The following RPS3 variants were observed in gnomAD, a reference collection of about 807,000 sequenced individuals.
The protein encoded by RPS3 is ribosomal protein S3.
In RPS3, 2 loss-of-function variants were observed where a neutral mutation model predicts 25.8. That is an observed-to-expected ratio of 0.08 (90% CI 0.03 to 0.24). RPS3 has a LOEUF of 0.24. Ranked by LOEUF, RPS3 falls within the 10% of genes least tolerant of loss-of-function variation. The probability of loss-of-function intolerance (pLI) is 1.00; values close to 1 mark genes in which losing one functional copy is unlikely to be tolerated. For missense variants in RPS3, 107 were observed against 307.1 expected, an observed-to-expected ratio of 0.35 and a Z score of 4.87; for synonymous variants, 114 against 114.2, an observed-to-expected ratio of 1.00 and a Z score of 0.01.
rs1468511247 is a variant in RPS3, at chr11:75,404,188, C to T, written c.519C>T (p.Arg173=). ...ACTACTACGTTGACACTGCTGTGCGCCACGTGTTGCTCAGACAGGGTGAGC... is the reference window on the plus strand; with the variant it reads ...ACTACTACGTTGACACTGCTGTGCGTCACGTGTTGCTCAGACAGGGTGAGC... ...PVNYYVDTAV[R]HVLLRQGVLG... The change falls in exon 5 of 7, where the codon CGC becomes CGT. Residue 173 remains arginine (R), a synonymous_variant. Coordinates refer to ENST00000531188, the MANE Select transcript of RPS3 (RefSeq NM_001005.5). The surrounding 1 kb of genome is among the most constrained non-coding windows in gnomAD (Gnocchi z 4.6). 2 of 1,614,014 alleles carry T rather than the reference C, an allele frequency of 1.2e-6. No individual in the cohort carries two copies. Among genetic ancestry groups the T allele is most frequent in the Middle Eastern group, 1.7e-4 (1 of 6,058 alleles).
At chr11:75,410,714 G>A (rs1263693595), downstream of RPS3, among the ~76,000 whole-genome samples, 13 of 150,260 alleles carry the variant, frequency 8.7e-5, no homozygotes, top group African/African-American at 3.0e-4. Flanking sequence ...CTGAGTGAAC[G>A]AGACTCCGTC....
downstream of RPS3, among the ~76,000 whole-genome samples, chr11:75,411,605 T>C (rs372846417): frequency 6.6e-6 from 1 of 151,456 alleles, no homozygotes; most frequent in East Asian, 2.0e-4. Context: ...TTAGCTAGGA[T>C]GGTCTCGATC....
chr11:75,399,656 T>A, intron 1 of RPS3, 79 bp downstream of exon 1: 1 of 1,257,538 alleles, frequency 8.0e-7, no homozygotes, highest in Non-Finnish European at 1.2e-6. Flanking sequence ...CCGCGAGGCC[T>A]GCAGCTCCGT....
At chr11:75,410,541 A>G (rs1948345339), downstream of RPS3, among the ~76,000 whole-genome samples, 1 of 150,784 alleles carries the variant, frequency 6.6e-6, no homozygotes, top group Non-Finnish European at 1.5e-5. Context: ...CATATCCCAG[A>G]CGATGGGCGG....
chr11:75,402,609 T>C, intron 4 of RPS3, 163 bp downstream of exon 4: 1 of 644,570 alleles, frequency 1.6e-6, no homozygotes, highest in Admixed American at 3.2e-5. Context: ...ACTGGCAGGC[T>C]AACAAGACTA....
chr11:75,407,329 G>T (rs984772492), downstream of RPS3, among the ~76,000 whole-genome samples: 4 of 151,908 alleles, frequency 2.6e-5, no homozygotes, highest in Non-Finnish European at 4.4e-5. Context: ...GTAGAGACCG[G>T]GTTTCCCCAT....
At position 75,405,829 on chromosome 11, in the gene RPS3, A is replaced by C; in HGVS notation, c.*219A>C. The stretch of plus-strand genomic sequence containing the variant: ...AAGACCCAAGCAGAGCCAACCAGAG[A>C]AATAATATTTGTGTGATAGAGAAGG... On this transcript the variant is annotated 3_prime_UTR_variant, in exon 7 of 7. Transcript: ENST00000531188. 1 of 275,406 alleles carries C rather than the reference A, an allele frequency of 3.6e-6. No homozygotes were observed. The highest frequency in any genetic ancestry group is 3.6e-5 in the South Asian group (1 of 28,030). 17.1% of individuals were successfully genotyped at this position (275,406 alleles called of 1,614,324 possible). A position where few individuals can be genotyped will look rare whatever the true frequency, so the allele number is the denominator to read the frequency against.
intron 6 of RPS3, chr11:75,421,623 C>G (rs565468895): frequency 6.6e-6 from 1 of 152,386 alleles, no homozygotes; most frequent in Non-Finnish European, 1.5e-5. Flanking sequence ...ACTGGCTTCT[C>G]AGAGGCCCAT....
At chr11:75,407,023 C>A (rs1239956200), downstream of RPS3, 4 of 152,218 alleles carry the variant, frequency 2.6e-5, no homozygotes, top group South Asian at 8.3e-4. Flanking sequence ...ATCATTGGTA[C>A]TGCAGGAAGA....
At chr11:75,409,845 C>G (rs1284478418), downstream of RPS3, among the ~76,000 whole-genome samples, 2 of 142,418 alleles carry the variant, frequency 1.4e-5, no homozygotes, top group Non-Finnish European at 3.1e-5. Flanking sequence ...CCGGACGGGG[C>G]GGCTGGCCGG....
chr11:75,408,227 C>T (rs1332065418), downstream of RPS3, among the ~76,000 whole-genome samples: 1 of 152,144 alleles, frequency 6.6e-6, no homozygotes, highest in Non-Finnish European at 1.5e-5. Flanking sequence ...ATATGTCCAG[C>T]TGTGGTGGCT....
chr11:75,401,708 T>G lies in RPS3; in HGVS notation c.230T>G (p.Phe77Cys). 1 of 1,612,414 alleles carries G rather than the reference T, an allele frequency of 6.2e-7. No homozygotes were observed. The highest frequency in any genetic ancestry group is 8.5e-7 in the Non-Finnish European group (1 of 1,178,410). ...RELTAVVQKR[F>C]GFPEGSVELY... ...CTGACTGCTGTAGTTCAGAAGAGGT[T>G]TGGCTTTCCAGAGGGCAGTGTAGAG... Residue 77 changes from phenylalanine (F) to cysteine (C), a missense_variant, in exon 3 of 7, where the codon TTT (phenylalanine) becomes TGT (cysteine). Physicochemically the swap from Phe to Cys is radical, Grantham distance 205 (BLOSUM62 -2). Coordinates refer to ENST00000531188, the MANE Select transcript of RPS3 (RefSeq NM_001005.5).
At chr11:75,409,917 C>T (rs1478804096), downstream of RPS3, among the ~76,000 whole-genome samples, 45 of 143,196 alleles carry the variant, frequency 3.1e-4, no homozygotes, top group South Asian at 9.1e-4. Context: ...ACCTCCCGGA[C>T]GGGGCGGCCG....
At position 75,413,794 on chromosome 11, in the gene RPS3, A is replaced by G. The variant is rs1948376364; in HGVS notation, c.*4-7933A>G. On this transcript the variant is annotated intron_variant, in intron 6 of 6. Transcript: ENST00000527446. ...GAACCCTCTGAGCTGGATGCCATCC[A>G]CAGCAAATTAGGTATTGTATCTGCA... is the stretch of plus-strand genomic sequence containing the variant. Among the ~76,000 whole-genome samples, 3 of 152,244 alleles carry G rather than the reference A, an allele frequency of 2.0e-5. No homozygotes were observed. The South Asian group carries it at 6.2e-4, about 31-fold the overall frequency.
intron 1 of RPS3, 197 bp downstream of exon 1, chr11:75,399,774 A>G: frequency 1.7e-6 from 1 of 582,682 alleles, no homozygotes; most frequent in South Asian, 2.1e-5. Context: ...GCCGGGTTCC[A>G]AGTGAAGCGC....
At chr11:75,417,756 C>T (rs1041628498) in intron 6 of RPS3, among the ~76,000 whole-genome samples, 3 of 152,258 alleles carry the variant, frequency 2.0e-5, no homozygotes, top group African/African-American at 4.8e-5. Flanking sequence ...TTCCCAGAGT[C>T]ACAGCCCCAG....
chr11:75,407,756 C>T (rs768753792), downstream of RPS3, among the ~76,000 whole-genome samples: 7 of 152,174 alleles, frequency 4.6e-5, no homozygotes, highest in African/African-American at 1.4e-4. Flanking sequence ...CGTGAGCCAC[C>T]GTGCCTGGCC....
chr11:75,401,552 C>A, intron 2 of RPS3, 88 bp from the exon 3 acceptor site: 1 of 907,140 alleles, frequency 1.1e-6, no homozygotes, highest in Non-Finnish European at 1.8e-6. Context: ...TGCTTTGTGG[C>A]AGAGATTTTG....
chr11:75,407,428 G>A (rs1162610499), downstream of RPS3, among the ~76,000 whole-genome samples: 1 of 152,146 alleles, frequency 6.6e-6, no homozygotes, highest in African/African-American at 2.4e-5. Flanking sequence ...GTGAGCCACC[G>A]CACCCAGCCA....
Sources: allele counts gnomAD v4.1 joint callset (sites outside exome capture counted in the v4.1 genomes callset), GRCh38; gene constraint gnomAD v4.1.1; non-coding constraint Gnocchi (gnomAD v3.1); transcripts MANE v1.5; gene names NCBI Gene and HGNC (gene_info 2026-07-23, HGNC 2026-07-21).